Variants in FAF1 observed in about 807,000 individuals in gnomAD.
The protein encoded by FAF1 is FAS-associated factor 1.
In FAF1, 25 loss-of-function variants were observed where a neutral mutation model predicts 92.5. The observed-to-expected ratio is 0.27, with a 90% CI of 0.20 to 0.38. The LOEUF (loss-of-function observed/expected upper bound fraction) is 0.38, where lower values mean the gene tolerates loss of function less well. Among genes scored for constraint, FAF1 ranks in the 10% least tolerant of loss-of-function variants. The probability of loss-of-function intolerance (pLI) is 1.00; values close to 1 mark genes in which losing one functional copy is unlikely to be tolerated. For missense variants in FAF1, 636 were observed against 793.3 expected, an observed-to-expected ratio of 0.80 and a Z score of 2.38; for synonymous variants, 234 against 273.2, an observed-to-expected ratio of 0.86 and a Z score of 1.42.
At chr1:50,618,422 T>G (rs1653031940) in intron 8 of FAF1, among the ~76,000 whole-genome samples, 1 of 146,172 alleles carries the variant, frequency 6.8e-6, no homozygotes, top group South Asian at 2.1e-4. Flanking sequence ...GAGTTTTTTT[T>G]TTTTTTTTTT....
intron 15 of FAF1, among the ~76,000 whole-genome samples, chr1:50,527,836 T>TCCCC (rs1332617434): frequency 2.3e-5 from 2 of 87,418 alleles, no homozygotes; most frequent in African/African-American, 1.3e-4. Context: ...TCTCTCTCTC[T>TCCCC]CTCTCTCCCT....
chr1:50,763,585 A>G (rs1165268648), intron 4 of FAF1, among the ~76,000 whole-genome samples: 1 of 152,080 alleles, frequency 6.6e-6, no homozygotes, highest in Admixed American at 6.6e-5. Context: ...TTCAGACAAC[A>G]TCCTTCCCTC....
intron 8 of FAF1, among the ~76,000 whole-genome samples, chr1:50,617,511 G>T (rs1268878118): frequency 1.3e-5 from 2 of 152,042 alleles, no homozygotes. Context: ...CTTAACTGTG[G>T]CGAATTAAGT....
intron 18 of FAF1, among the ~76,000 whole-genome samples, chr1:50,445,436 C>T (rs1646217036): frequency 6.6e-6 from 1 of 152,090 alleles, no homozygotes; most frequent in African/African-American, 2.4e-5. Context: ...ATTTGGAACC[C>T]GCTACATTAC....
At chr1:50,802,981 T>C (rs963200422) in intron 2 of FAF1, among the ~76,000 whole-genome samples, 2 of 152,172 alleles carry the variant, frequency 1.3e-5, no homozygotes, top group African/African-American at 4.8e-5. Flanking sequence ...CTATGAATTT[T>C]GAGAGCTGTA....
At chr1:50,836,178 T>G (rs200979025) in intron 2 of FAF1, among the ~76,000 whole-genome samples, 6 of 124,072 alleles carry the variant, frequency 4.8e-5, no homozygotes, top group South Asian at 2.5e-4. Flanking sequence ...CTGTTTTTTT[T>G]TTTTTTTTTT....
chr1:50,529,415 CTAAT>C, intron 15 of FAF1, among the ~76,000 whole-genome samples: 1 of 152,224 alleles, frequency 6.6e-6, no homozygotes, highest in East Asian at 1.9e-4. Context: ...TATTAACAGT[CTAAT>C]AAATTGTAAC....
chr1:50,707,277 T>C (rs1378218761), intron 6 of FAF1, among the ~76,000 whole-genome samples: 3 of 151,892 alleles, frequency 2.0e-5, no homozygotes, highest in Non-Finnish European at 2.9e-5. Context: ...ACAGGTTAAT[T>C]GTAGACTATA....
In FAF1 at chr1:50,557,907, CTTAT is replaced by C. The variant is rs147268445; in HGVS notation, c.1268+9166_1268+9169del. On this transcript the variant is annotated intron_variant, in intron 13 of 18. Coordinates refer to ENST00000396153, the MANE Select transcript of FAF1 (RefSeq NM_007051.3). ...TTAAGATATTTCACTTTATAAATAT[CTTAT>C]TTATTTATTTATTTATTTAGATACA... 5.3e-5 allele frequency among the ~76,000 whole-genome samples: 8 copies of C among 150,402 alleles called. 1 individual carries two copies. The highest frequency in any genetic ancestry group is 4.2e-4 in the South Asian group (2 of 4,732).
intron 1 of FAF1, among the ~76,000 whole-genome samples, chr1:50,892,286 C>T (rs886599294): frequency 6.6e-6 from 1 of 152,230 alleles, no homozygotes; most frequent in Non-Finnish European, 1.5e-5. Flanking sequence ...AAAGGGAATT[C>T]CCTGACGCTT....
chr1:50,608,191 T>C (rs182567896), intron 8 of FAF1, among the ~76,000 whole-genome samples: 1 of 152,364 alleles, frequency 6.6e-6, no homozygotes, highest in African/African-American at 2.4e-5. Context: ...TGTTTAGTTG[T>C]TGACATGGAA....
chr1:50,621,362 G>A (rs1042808269), intron 8 of FAF1, among the ~76,000 whole-genome samples: 1 of 151,772 alleles, frequency 6.6e-6, no homozygotes, highest in Non-Finnish European at 1.5e-5. Context: ...CAGTCTTACG[G>A]GGAAGTTAGC....
At chr1:50,582,984 A>T (rs986444793) in intron 11 of FAF1, among the ~76,000 whole-genome samples, 2 of 152,124 alleles carry the variant, frequency 1.3e-5, no homozygotes, top group Non-Finnish European at 1.5e-5. Flanking sequence ...TTGGTTACTC[A>T]CTTTCATATG....
intron 4 of FAF1, among the ~76,000 whole-genome samples, chr1:50,756,530 T>C (rs747995499): frequency 1.3e-5 from 2 of 152,248 alleles, no homozygotes; most frequent in Non-Finnish European, 2.9e-5. Flanking sequence ...ACTCTGCGTG[T>C]TACCCAGTTC....
chr1:50,893,922 A>G (rs1373666749), intron 1 of FAF1, among the ~76,000 whole-genome samples: 1 of 151,946 alleles, frequency 6.6e-6, no homozygotes, highest in Admixed American at 6.6e-5. Flanking sequence ...AGTCCTTCCC[A>G]TACTTCCCTC....
At chr1:50,587,009 C>T (rs1651266263) in intron 9 of FAF1, among the ~76,000 whole-genome samples, 4 of 152,166 alleles carry the variant, frequency 2.6e-5, no homozygotes, top group Admixed American at 2.6e-4. Flanking sequence ...TCAGTCTTTG[C>T]TTAATCTTGC....
intron 1 of FAF1, among the ~76,000 whole-genome samples, chr1:50,871,408 A>G (rs79799417): frequency 0.016 from 2,466 of 152,358 alleles, 72 homozygotes; most frequent in African/African-American, 0.055. Context: ...AGAGAAGTCA[A>G]TGCCTGGCTT....
At chr1:50,921,996 G>A (rs185213994) in intron 1 of FAF1, among the ~76,000 whole-genome samples, 139 of 151,148 alleles carry the variant, frequency 9.2e-4, no homozygotes, top group African/African-American at 3.0e-3. Flanking sequence ...GTGAAACCCC[G>A]TCTCCACTAA....
At chr1:50,744,518 T>C (rs1399937004) in intron 5 of FAF1, among the ~76,000 whole-genome samples, 166 bp downstream of exon 5, 5 of 152,244 alleles carry the variant, frequency 3.3e-5, no homozygotes, top group African/African-American at 2.4e-5. Context: ...TATCATGAAA[T>C]ATTTTAGCTT....
Sources: allele counts gnomAD v4.1 joint callset (sites outside exome capture counted in the v4.1 genomes callset), GRCh38; gene constraint gnomAD v4.1.1; transcripts MANE v1.5; gene names NCBI Gene and HGNC (gene_info 2026-07-23, HGNC 2026-07-21).